Variants in ZCCHC7 observed in about 807,000 individuals in gnomAD.
The protein encoded by ZCCHC7 is zinc finger CCHC-type containing 7, also known as zinc finger CCHC domain-containing protein 7.
In ZCCHC7, 35 loss-of-function variants were observed where a neutral mutation model predicts 52.0. That is an observed-to-expected ratio of 0.67 (90% CI 0.51 to 0.89). The LOEUF is 0.89. ZCCHC7 is among the 40% of genes least tolerant of loss of function. The pLI, the probability that ZCCHC7 is intolerant of heterozygous loss-of-function variation, is 0.00. For missense variants in ZCCHC7, 574 were observed against 649.1 expected (o/e 0.88, Z 1.26); for synonymous variants, 217 against 221.5 (o/e 0.98, Z 0.18).
At chr9:37,176,306 C>T (rs1822027473) in intron 2 of ZCCHC7, among the ~76,000 whole-genome samples, 1 of 152,174 alleles carries the variant, frequency 6.6e-6, no homozygotes, top group Non-Finnish European at 1.5e-5. Flanking sequence ...ATCTCCTGAC[C>T]TCGTGATCCG....
intron 2 of ZCCHC7, among the ~76,000 whole-genome samples, chr9:37,214,084 A>G (rs1195137996): frequency 1.3e-5 from 2 of 150,784 alleles, no homozygotes; most frequent in Admixed American, 1.3e-4. Flanking sequence ...TTTACAAAGA[A>G]TCACTTATTC....
chr9:37,306,418 C>G (rs1467308541), intron 5 of ZCCHC7, among the ~76,000 whole-genome samples: 1 of 151,290 alleles, frequency 6.6e-6, no homozygotes, highest in East Asian at 1.9e-4. Flanking sequence ...CAGTTATATA[C>G]AGATGTTTAA....
chr9:37,232,811 CCTTT>C (rs991867983), intron 2 of ZCCHC7, among the ~76,000 whole-genome samples: 1 of 152,060 alleles, frequency 6.6e-6, no homozygotes, highest in Non-Finnish European at 1.5e-5. Context: ...TCATTTCTTC[CCTTT>C]CTGTTTGTTC....
chr9:37,304,352 A>C (rs368990762), intron 4 of ZCCHC7, 39 bp downstream of exon 4: 4 of 1,603,542 alleles, frequency 2.5e-6, no homozygotes, highest in Non-Finnish European at 2.6e-6. Context: ...ACATTTGTAA[A>C]CTCAAAATCT....
chr9:37,346,853 A>T (rs1821005085), intron 6 of ZCCHC7, among the ~76,000 whole-genome samples: 1 of 152,084 alleles, frequency 6.6e-6, no homozygotes, highest in Non-Finnish European at 1.5e-5. Context: ...TAAAGTAGCC[A>T]GGCGTAGTGG....
At chr9:37,337,495 G>GATAGCATTACA (rs1238061395) in intron 6 of ZCCHC7, among the ~76,000 whole-genome samples, 3 of 150,392 alleles carry the variant, frequency 2.0e-5, no homozygotes, top group Non-Finnish European at 4.4e-5. Context: ...AGACAAGGTC[G>GATAGCATTACA]ATAGCATTAC....
intron 2 of ZCCHC7, among the ~76,000 whole-genome samples, chr9:37,133,557 T>C (rs1038865062): frequency 4.9e-4 from 74 of 151,724 alleles, no homozygotes; most frequent in African/African-American, 1.6e-3. Context: ...TGTATTTTTA[T>C]TTTTTATTTT....
intron 6 of ZCCHC7, among the ~76,000 whole-genome samples, chr9:37,336,905 A>G (rs189815482): frequency 1.1e-3 from 160 of 152,258 alleles, no homozygotes; most frequent in Middle Eastern, 3.4e-3. Flanking sequence ...TTTGTAAACC[A>G]AGCCATTTGT....
intron 2 of ZCCHC7, among the ~76,000 whole-genome samples, chr9:37,230,735 A>C (rs1011222819): frequency 1.3e-5 from 2 of 152,160 alleles, no homozygotes; most frequent in Non-Finnish European, 2.9e-5. Context: ...ATATGTGTAT[A>C]ATGAATTAAT....
At chr9:37,281,195 T>C (rs917374383) in intron 2 of ZCCHC7, among the ~76,000 whole-genome samples, 5 of 152,212 alleles carry the variant, frequency 3.3e-5, no homozygotes, top group Non-Finnish European at 7.3e-5. Context: ...TTTAAATTAT[T>C]TGTAGAGACA....
intron 2 of ZCCHC7, among the ~76,000 whole-genome samples, chr9:37,287,836 G>GT (rs1828328080): frequency 6.6e-6 from 1 of 150,662 alleles, no homozygotes; most frequent in Admixed American, 6.6e-5. Context: ...GGTTTTTCTT[G>GT]TTTTTACAGC....
chr9:37,252,509 T>C (rs1235246098), intron 2 of ZCCHC7, among the ~76,000 whole-genome samples: 1 of 152,202 alleles, frequency 6.6e-6, no homozygotes, highest in Non-Finnish European at 1.5e-5. Context: ...GTCCCCCGGA[T>C]ATTTTAAGAA....
intron 5 of ZCCHC7, among the ~76,000 whole-genome samples, chr9:37,318,731 GTTGAAACCCTGTCTCTCC>G (rs1829930111): frequency 6.6e-6 from 1 of 151,862 alleles, no homozygotes; most frequent in Non-Finnish European, 1.5e-5. Context: ...TGGCCAACAT[GTTGAAACCCTGTCTCTCC>G]TAAAAATACA....
At chr9:37,132,674 CTCAAG>C (rs2132720101) in intron 2 of ZCCHC7, among the ~76,000 whole-genome samples, 1 of 152,312 alleles carries the variant, frequency 6.6e-6, no homozygotes, top group Admixed American at 6.5e-5. Context: ...TCTATGGATG[CTCAAG>C]TCCCTGATAT....
chr9:37,120,439 C>T (rs1037663221), upstream of ZCCHC7: 20 of 396,172 alleles, frequency 5.0e-5, no homozygotes, highest in Non-Finnish European at 8.9e-5. Context: ...ACTACGCATG[C>T]GCACATCAGG....
chr9:37,142,668 T>C (rs1269364920), intron 2 of ZCCHC7, among the ~76,000 whole-genome samples: 1 of 151,820 alleles, frequency 6.6e-6, no homozygotes, highest in African/African-American at 2.4e-5. Flanking sequence ...TAAAATAATC[T>C]TTTGAATTTC....
intron 2 of ZCCHC7, among the ~76,000 whole-genome samples, chr9:37,150,412 C>G (rs867873394): frequency 8.5e-5 from 13 of 152,278 alleles, no homozygotes; most frequent in African/African-American, 2.9e-4. Flanking sequence ...TCTGAAATTT[C>G]ATTTAAATAG....
intron 2 of ZCCHC7, among the ~76,000 whole-genome samples, chr9:37,299,179 C>G (rs562681005): frequency 5.3e-5 from 8 of 152,104 alleles, no homozygotes; most frequent in Non-Finnish European, 1.2e-4. Context: ...TCAGGGCAGT[C>G]CCATTTAACA....
intron 2 of ZCCHC7, among the ~76,000 whole-genome samples, chr9:37,279,841 T>C (rs1827865058): frequency 6.6e-6 from 1 of 151,808 alleles, no homozygotes; most frequent in Admixed American, 6.6e-5. Context: ...AGACTAGGAA[T>C]AGTAGTAACA....
Sources: allele counts gnomAD v4.1 joint callset (sites outside exome capture counted in the v4.1 genomes callset), GRCh38; gene constraint gnomAD v4.1.1; transcripts MANE v1.5; gene names NCBI Gene and HGNC (gene_info 2026-07-23, HGNC 2026-07-21).